Variants in RAD51C observed in about 807,000 individuals in gnomAD.
RAD51C encodes RAD51 paralog C, also known as DNA repair protein RAD51 homolog 3.
Under a neutral mutation model 45.0 loss-of-function variants are expected in RAD51C, and 42 were observed. The ratio of observed to expected loss-of-function variants is 0.93; its 90% CI spans 0.73 to 1.21. RAD51C has a LOEUF of 1.21. RAD51C is among the 50% of genes most tolerant of loss of function. RAD51C has a pLI of 0.00. For synonymous variants in RAD51C, 172 were observed against 159.8 expected (o/e 1.08, Z -0.58); for missense variants, 474 against 452.2 (o/e 1.05, Z -0.44).
chr17:58,722,385 A>T (rs1262530051), intron 6 of RAD51C, among the ~76,000 whole-genome samples: 4 of 152,204 alleles, frequency 2.6e-5, no homozygotes, highest in African/African-American at 9.6e-5. Flanking sequence ...GCTCTTCAGT[A>T]CAGTAGCCCT....
intron 3 of RAD51C, among the ~76,000 whole-genome samples, chr17:58,701,960 G>A (rs1426027913): frequency 6.6e-6 from 1 of 151,516 alleles, no homozygotes; most frequent in East Asian, 1.9e-4. Flanking sequence ...GAGAAAAAAT[G>A]CTTCATTTGA....
intron 3 of RAD51C, among the ~76,000 whole-genome samples, chr17:58,697,584 G>A (rs2048064743): frequency 6.7e-6 from 1 of 149,590 alleles, no homozygotes; most frequent in Admixed American, 6.7e-5. Flanking sequence ...CGTCTGAAAT[G>A]TTTGGATTGT....
intron 7 of RAD51C, among the ~76,000 whole-genome samples, chr17:58,727,394 G>C (rs1598520894): frequency 6.6e-6 from 1 of 152,030 alleles, no homozygotes; most frequent in Admixed American, 6.6e-5. Context: ...AAAGTGCTGG[G>C]ATTACAGGCA....
intron 3 of RAD51C, among the ~76,000 whole-genome samples, chr17:58,698,922 C>CAA (rs1287559201): frequency 7.8e-6 from 1 of 128,126 alleles, no homozygotes. Context: ...AACTCCTTCT[C>CAA]AAAAAAAAAA....
chr17:58,699,932 C>G (rs566126852), intron 3 of RAD51C: 1 of 152,294 alleles, frequency 6.6e-6, no homozygotes, highest in South Asian at 2.1e-4. Context: ...TTACTGCGAC[C>G]TTCACCTCCC....
At chr17:58,696,494 G>A (rs988568962) in intron 2 of RAD51C, among the ~76,000 whole-genome samples, 199 bp from the exon 3 acceptor site, 6 of 152,170 alleles carry the variant, frequency 3.9e-5, no homozygotes, top group Admixed American at 1.3e-4. Flanking sequence ...TGCCCTCCCC[G>A]AATCCAGTTG....
intron 4 of RAD51C, among the ~76,000 whole-genome samples, chr17:58,708,355 CAT>C (rs2143838494): frequency 6.6e-6 from 1 of 152,080 alleles, no homozygotes; most frequent in South Asian, 2.1e-4. Flanking sequence ...TCCACTAAAA[CAT>C]AACCTCCAAG....
chr17:58,696,290 G>A (rs1361945802), intron 2 of RAD51C, among the ~76,000 whole-genome samples: 1 of 151,826 alleles, frequency 6.6e-6, no homozygotes, highest in Non-Finnish European at 1.5e-5. Context: ...AGAATTAGCC[G>A]GGCGTGGTGG....
chr17:58,698,075 G>A (rs941341801), intron 3 of RAD51C, among the ~76,000 whole-genome samples: 8 of 149,344 alleles, frequency 5.4e-5, no homozygotes, highest in Admixed American at 4.7e-4. Flanking sequence ...ACAGTGGCGC[G>A]ATCTCGGCTC....
In RAD51C at chr17:58,734,090, A is replaced by G. The variant is rs770893124; in HGVS notation, c.1027-28A>G. 3.1e-5 allele frequency: 50 copies of G among 1,593,822 alleles called. No homozygotes were observed. The Admixed American group carries it at 8.4e-4, about 27-fold the overall frequency. Reference sequence around the variant, plus strand: ...CAGTCTTCAAATGTTCTTAAAGCATATTTGTATATATATTTTTTATCTTTC... The same window carrying G: ...CAGTCTTCAAATGTTCTTAAAGCATGTTTGTATATATATTTTTTATCTTTC... On this transcript the variant is annotated intron_variant, in intron 8 of 8. Transcript: ENST00000337432.
intron 3 of RAD51C, among the ~76,000 whole-genome samples, chr17:58,700,972 C>G (rs1268288864): frequency 6.6e-6 from 1 of 152,162 alleles, no homozygotes; most frequent in East Asian, 1.9e-4. Context: ...TCACAATTCA[C>G]TGCAGCCTTG....
chr17:58,707,649 A>G (rs984466967), intron 4 of RAD51C, among the ~76,000 whole-genome samples: 6 of 152,154 alleles, frequency 3.9e-5, no homozygotes, highest in Non-Finnish European at 7.3e-5. Context: ...TATTTGTTAT[A>G]GTAGTACCTT....
intron 7 of RAD51C, among the ~76,000 whole-genome samples, chr17:58,729,342 C>T (rs1216267354): frequency 7.9e-5 from 12 of 152,006 alleles, no homozygotes; most frequent in East Asian, 1.9e-4. Context: ...CTCAGCCTCC[C>T]GAGTAGCTGG....
intron 3 of RAD51C, among the ~76,000 whole-genome samples, chr17:58,699,637 A>G (rs1469171521): frequency 6.6e-6 from 1 of 152,184 alleles, no homozygotes; most frequent in Non-Finnish European, 1.5e-5. Flanking sequence ...CAGGACATAA[A>G]TGCACAGAAG....
intron 3 of RAD51C, among the ~76,000 whole-genome samples, chr17:58,699,152 A>C (rs1260293063): frequency 6.6e-6 from 1 of 151,464 alleles, no homozygotes. Flanking sequence ...GACTACGGGC[A>C]TGTGCCACAA....
At chr17:58,692,598 G>T, upstream of RAD51C, 1 of 1,611,872 alleles carries the variant, frequency 6.2e-7, no homozygotes, top group East Asian at 2.2e-5. Flanking sequence ...GCCCCAGCGA[G>T]GGCGTGCGGA....
At chr17:58,703,526 G>T (rs2048281986) in intron 4 of RAD51C, among the ~76,000 whole-genome samples, 197 bp downstream of exon 4, 1 of 152,152 alleles carries the variant, frequency 6.6e-6, no homozygotes. Context: ...TATGCTCAGA[G>T]TAAGAAATTG....
chr17:58,700,552 C>A (rs2048179035), intron 3 of RAD51C, among the ~76,000 whole-genome samples: 1 of 151,996 alleles, frequency 6.6e-6, no homozygotes, highest in Admixed American at 6.6e-5. Context: ...ACGCCATTCT[C>A]CTGCCTCAGC....
At position 58,703,446 on chromosome 17, in the gene RAD51C, CTCTT is replaced by C. The variant is rs1368993762; in HGVS notation, c.705+118_705+121del. 8.6e-5 allele frequency: 94 copies of C among 1,099,056 alleles called. No homozygotes were observed. The East Asian group carries it at 1.2e-3, about 15-fold the overall frequency. 68.1% of individuals were successfully genotyped at this position (1,099,056 alleles called of 1,614,324 possible). A position where few individuals can be genotyped will look rare whatever the true frequency, so the allele number is the denominator to read the frequency against. On this transcript the variant is annotated intron_variant, in intron 4 of 8. Transcript: ENST00000337432. ...CAAAGTCAAAGCCAATTGAGAAAAT[CTCTT>C]CCTTCCTTGACCTACAATTTATTTA... is the stretch of plus-strand genomic sequence containing the variant.
Sources: allele counts gnomAD v4.1 joint callset (sites outside exome capture counted in the v4.1 genomes callset), GRCh38; gene constraint gnomAD v4.1.1; transcripts MANE v1.5; gene names NCBI Gene and HGNC (gene_info 2026-07-23, HGNC 2026-07-21).